The following CSTF2T variants were observed in gnomAD, a reference collection of about 807,000 sequenced individuals.
CSTF2T encodes the protein cleavage stimulation factor subunit 2 tau variant, also known as CF-1 64 kDa subunit tau.
A neutral mutation model predicts 39.9 loss-of-function variants in CSTF2T; 18 were observed. The observed-to-expected ratio is 0.45, with a 90% CI of 0.31 to 0.67. The LOEUF is 0.67. CSTF2T is among the 30% of genes least tolerant of loss of function. The pLI is 0.06. For synonymous variants in CSTF2T, 291 were observed against 276.4 expected (o/e 1.05, Z -0.52); for missense variants, 681 against 789.0 (o/e 0.86, Z 1.64).
rs779089852 is a variant in CSTF2T at position 51,698,510 on chromosome 10, C to G, written c.1040G>C (p.Gly347Ala). Reference protein sequence around the residue: ...PRGGTLLSVTGEVEPRGYLGP... With the variant: ...PRGGTLLSVTAEVEPRGYLGP... ...CAGATAACCTCTGGGCTCCACTTCT[C>G]CAGTGACTGAAAGCAAAGTCCCTCC... is the stretch of plus-strand genomic sequence containing the variant. The change falls in exon 1 of 1, where the codon GGA (glycine) becomes GCA (alanine). Residue 347 changes from glycine to alanine, a missense_variant. Gly to Ala is a moderately conservative substitution (Grantham distance 60). Around this residue, in one of 4 missense-constraint regions of CSTF2T, gnomAD observed 329 missense variants for 344.1 expected, o/e 0.96. Coordinates refer to ENST00000331173, the MANE Select transcript of CSTF2T (RefSeq NM_015235.3). 6.2e-7 allele frequency: 1 copy of G among 1,614,162 alleles called. No individual in the cohort carries two copies.
Position 51,698,682 on chromosome 10 carries a change from G to C in CSTF2T, c.868C>G (p.Leu290Val), listed in dbSNP as rs750664294. Residue 290 changes from leucine (L) to valine (V), a missense_variant, in exon 1 of 1, where the codon CTT becomes GTT. Physicochemically the swap from Leu to Val is conservative, Grantham distance 32. Coordinates refer to ENST00000331173, the MANE Select transcript of CSTF2T (RefSeq NM_015235.3). ...ACTGGGCCAACCCCTGGCATTCCAAGTTGGGGCTGCATTGCTCCTCCAGGA... is the reference window on the plus strand; with the variant it reads ...ACTGGGCCAACCCCTGGCATTCCAACTTGGGGCTGCATTGCTCCTCCAGGA... ...LTPGGAMQPQ[L>V]GMPGVGPVPL... 6.2e-7 allele frequency: 1 copy of C among 1,614,092 alleles called. No individual in the cohort carries two copies. Among genetic ancestry groups the C allele is most frequent in the African/African-American group, 1.3e-5 (1 of 74,934 alleles).
Position 51,697,641 on chromosome 10 carries a change from C to T in CSTF2T, c.*58G>A. Reference sequence around the variant, plus strand: ...GATACAGAAGTCAGCTTTTTGCACCCATTCTCCATGCTACAGAATAAAATT... The same window carrying T: ...GATACAGAAGTCAGCTTTTTGCACCTATTCTCCATGCTACAGAATAAAATT... On this transcript the variant is annotated 3_prime_UTR_variant, in exon 1 of 1. Transcript: ENST00000331173. The T allele has an allele frequency of 6.5e-7, 1 of 1,546,326 alleles. No homozygotes were observed. The highest frequency in any genetic ancestry group is 8.8e-7 in the Non-Finnish European group (1 of 1,132,222).
In CSTF2T at chr10:51,699,140, G is replaced by C. The variant is rs1352993859; in HGVS notation, c.410C>G (p.Pro137Arg). ...SITRAVASLP[P>R]EQMFELMKQM... Reference sequence around the variant, plus strand: ...CTTCATCAGCTCAAACATCTGCTCCGGGGGGAGACTGGCTACTGCTCTGGT... The same window carrying C: ...CTTCATCAGCTCAAACATCTGCTCCCGGGGGAGACTGGCTACTGCTCTGGT... The change falls in exon 1 of 1, where the codon CCG (proline) becomes CGG (arginine). Residue 137 changes from proline (P) to arginine (R), a missense_variant. Around this residue, in one of 4 missense-constraint regions of CSTF2T, gnomAD observed 329 missense variants for 344.1 expected, o/e 0.96. Transcript: ENST00000331173. 6.2e-7 allele frequency: 1 copy of C among 1,614,132 alleles called. No homozygotes were observed.
rs201313752 is a variant in CSTF2T, at chr10:51,699,145, G to C, written c.405C>G (p.Leu135=). The C allele has an allele frequency of 4.4e-5, 71 of 1,614,172 alleles. 1 individual carries two copies. The Admixed American group carries it at 9.2e-4, about 21-fold the overall frequency. The part of the protein sequence containing the change: ...PESITRAVAS[L]PPEQMFELMK... ...TCAGCTCAAACATCTGCTCCGGGGG[G>C]AGACTGGCTACTGCTCTGGTAATCG... Residue 135 remains leucine, a synonymous_variant, in exon 1 of 1, where the codon CTC becomes CTG. Coordinates refer to ENST00000331173, the MANE Select transcript of CSTF2T (RefSeq NM_015235.3).
rs1841375792 is a variant in CSTF2T, at chr10:51,698,679, C to T, written c.871G>A (p.Gly291Arg). The change falls in exon 1 of 1, where the codon GGA becomes AGA. Residue 291 changes from glycine (G) to arginine (R), a missense_variant. This residue lies in a region of CSTF2T where 329 missense variants were observed against 344.1 expected (regional missense o/e 0.96). Coordinates refer to ENST00000331173, the MANE Select transcript of CSTF2T (RefSeq NM_015235.3). ...TPGGAMQPQL[G>R]MPGVGPVPLE... ...GGCACTGGGCCAACCCCTGGCATTC[C>T]AAGTTGGGGCTGCATTGCTCCTCCA... 1 of 1,614,080 alleles carries T rather than the reference C, an allele frequency of 6.2e-7. No individual in the cohort carries two copies. Among genetic ancestry groups the T allele is most frequent in the African/African-American group, 1.3e-5 (1 of 74,946 alleles).
Position 51,696,949 on chromosome 10 carries a change from G to C in CSTF2T, c.*750C>G, listed in dbSNP as rs1175963476. On this transcript the variant is annotated 3_prime_UTR_variant, in exon 1 of 1. Transcript: ENST00000331173. ...GGTATTGAGAGACTGGGTTTCATCA[G>C]AGCGGACTTAAGTAACCTGGTTGAT... The C allele has an allele frequency of 6.6e-6, 1 of 151,936 alleles. No homozygotes were observed. Among genetic ancestry groups the C allele is most frequent in the African/African-American group, 2.4e-5 (1 of 41,348 alleles). The allele number at this position is 151,936 out of a possible 1,614,324, so 9.4% of individuals were successfully genotyped here.
At position 51,695,744 on chromosome 10, in the gene CSTF2T, G is replaced by A. The variant is rs759311534; in HGVS notation, c.*1955C>T. ...TAGCAGTATGAACAAGAGTAAAACA[G>A]GTAGTAGAAAACAACAGCATAGGGA... is the stretch of plus-strand genomic sequence containing the variant. On this transcript the variant is annotated 3_prime_UTR_variant, in exon 1 of 1. Transcript: ENST00000331173. 51 of 152,112 alleles carry A rather than the reference G, an allele frequency of 3.4e-4. No homozygotes were observed. Among genetic ancestry groups the A allele is most frequent in the Non-Finnish European group, 5.7e-4 (39 of 68,014 alleles). 9.4% of individuals were successfully genotyped at this position (152,112 alleles called of 1,614,324 possible). A position where few individuals can be genotyped will look rare whatever the true frequency, so the allele number is the denominator to read the frequency against.
rs1287898975 is a variant in CSTF2T, at chr10:51,696,455, C to T, written c.*1244G>A. ...GAAGGATGTAAGAGAATTACTGACTCAGATTTAGGGTTTAAAGACTATTGA... is the reference window on the plus strand; with the variant it reads ...GAAGGATGTAAGAGAATTACTGACTTAGATTTAGGGTTTAAAGACTATTGA... On this transcript the variant is annotated 3_prime_UTR_variant, in exon 1 of 1. Coordinates refer to ENST00000331173, the MANE Select transcript of CSTF2T (RefSeq NM_015235.3). 3 of 151,566 alleles carry T rather than the reference C, an allele frequency of 2.0e-5. No homozygotes were observed. The highest frequency in any genetic ancestry group is 7.3e-5 in the African/African-American group (3 of 41,244). 9.4% of individuals were successfully genotyped at this position (151,566 alleles called of 1,614,324 possible). A position where few individuals can be genotyped will look rare whatever the true frequency, so the allele number is the denominator to read the frequency against.
In CSTF2T at chr10:51,698,532, C is replaced by T; in HGVS notation, c.1018G>A (p.Gly340Arg). ...LGDAPNDPRG[G>R]TLLSVTGEVE... is the part of the protein sequence containing the mutation. Reference sequence around the variant, plus strand: ...TCTCCAGTGACTGAAAGCAAAGTCCCTCCACGTGGGTCATTTGGAGCATCT... The same window carrying T: ...TCTCCAGTGACTGAAAGCAAAGTCCTTCCACGTGGGTCATTTGGAGCATCT... The change falls in exon 1 of 1, where the codon GGG (glycine) becomes AGG (arginine). Residue 340 changes from glycine (G) to arginine (R), a missense_variant. Around this residue, in one of 4 missense-constraint regions of CSTF2T, gnomAD observed 329 missense variants for 344.1 expected, o/e 0.96. Coordinates refer to ENST00000331173, the MANE Select transcript of CSTF2T (RefSeq NM_015235.3). The T allele has an allele frequency of 6.2e-7, 1 of 1,614,182 alleles. No homozygotes were observed. The highest frequency in any genetic ancestry group is 1.1e-5 in the South Asian group (1 of 91,090).
rs749744522 is a variant in CSTF2T at position 51,698,975 on chromosome 10, T to C, written c.575A>G (p.His192Arg). Reference sequence around the variant, plus strand: ...CAGTGGTGTGACATGTATCTTCCGATGCAGAATTTTCAGAGCAATCTCTGG... The same window carrying C: ...CAGTGGTGTGACATGTATCTTCCGACGCAGAATTTTCAGAGCAATCTCTGG... ...MDPEIALKILHRKIHVTPLIP... is the reference protein window; with the variant it reads ...MDPEIALKILRRKIHVTPLIP... Residue 192 changes from histidine to arginine, a missense_variant, in exon 1 of 1, where the codon CAT becomes CGT. Transcript: ENST00000331173. The C allele has an allele frequency of 3.1e-6, 5 of 1,614,268 alleles. No individual in the cohort carries two copies. The highest frequency in any genetic ancestry group is 1.1e-5 in the South Asian group (1 of 91,092).
At position 51,695,793 on chromosome 10, in the gene CSTF2T, T is replaced by TAA. The variant is rs2132401396; in HGVS notation, c.*1905_*1906insTT. The TAA allele has an allele frequency of 6.6e-6, 1 of 152,278 alleles. No homozygotes were observed. The highest frequency in any genetic ancestry group is 6.5e-5 in the Admixed American group (1 of 15,290). 9.4% of individuals were successfully genotyped at this position (152,278 alleles called of 1,614,324 possible). On this transcript the variant is annotated 3_prime_UTR_variant, in exon 1 of 1. Coordinates refer to ENST00000331173, the MANE Select transcript of CSTF2T (RefSeq NM_015235.3). ...GATGAAAACCTTGCAAACAAAGAATTACTAATTTAAAGTGTAAAAATTTTG... is the reference window on the plus strand; with the variant it reads ...GATGAAAACCTTGCAAACAAAGAATTAAACTAATTTAAAGTGTAAAAATTTTG...
In CSTF2T at chr10:51,699,174, C is replaced by G. The variant is rs1841395183; in HGVS notation, c.376G>C (p.Glu126Gln). The change falls in exon 1 of 1, where the codon GAA becomes CAA. Residue 126 changes from glutamate (E) to glutamine (Q), a missense_variant. Around this residue, in one of 4 missense-constraint regions of CSTF2T, gnomAD observed 329 missense variants for 344.1 expected, o/e 0.96. Coordinates refer to ENST00000331173, the MANE Select transcript of CSTF2T (RefSeq NM_015235.3). ...CTGGCTACTGCTCTGGTAATCGATT[C>G]AGGGGCATCTTCTGGATCGATGGGA... ...GDPIDPEDAP[E>Q]SITRAVASLP... 2.5e-6 allele frequency: 4 copies of G among 1,614,168 alleles called. No individual in the cohort carries two copies. The East Asian group carries it at 8.9e-5, about 36-fold the overall frequency.
chr10:51,698,857 C>T lies in CSTF2T; in HGVS notation c.693G>A (p.Gln231=), dbSNP rs781498470. The change falls in exon 1 of 1, where the codon CAG becomes CAA. Residue 231 remains glutamine (Q), a synonymous_variant. Transcript: ENST00000331173. ...GAGGCTGAGGAGCTGGAGGATTCTG[C>T]TGGTTCAGCAGAACATTAGGTCCTG... ...LCPGPNVLLN[Q]QNPPAPQPQH... is the part of the protein sequence containing the mutation. 3 of 1,614,124 alleles carry T rather than the reference C, an allele frequency of 1.9e-6. No homozygotes were observed. Among genetic ancestry groups the T allele is most frequent in the Non-Finnish European group, 8.5e-7 (1 of 1,180,030 alleles).
Position 51,699,557 on chromosome 10 carries a change from G to T in CSTF2T, c.-8C>A, listed in dbSNP as rs747640006. On this transcript the variant is annotated 5_prime_UTR_variant, in exon 1 of 1. Coordinates refer to ENST00000331173, the MANE Select transcript of CSTF2T (RefSeq NM_015235.3). ...CACCGCCAAACTCGACATGATTCCG[G>T]TTGTGCAGACAGCCGATAGCGGATT... is the stretch of plus-strand genomic sequence containing the variant. 6.2e-7 allele frequency: 1 copy of T among 1,603,802 alleles called. No individual in the cohort carries two copies. The highest frequency in any genetic ancestry group is 8.5e-7 in the Non-Finnish European group (1 of 1,174,744).
In CSTF2T at chr10:51,698,247, T is replaced by C; in HGVS notation, c.1303A>G (p.Arg435Gly). 1.9e-6 allele frequency: 3 copies of C among 1,614,052 alleles called. No homozygotes were observed. Among genetic ancestry groups the C allele is most frequent in the Non-Finnish European group, 2.5e-6 (3 of 1,179,986 alleles). Residue 435 changes from arginine to glycine, a missense_variant, in exon 1 of 1, where the codon AGG becomes GGG. Arg to Gly is a moderately radical substitution (Grantham distance 125). Transcript: ENST00000331173. ...TEVLETRVME[R>G]RGMETCAMET... ...ATCGCACAGGTCTCCATTCCTCTCCTCTCCATTACACGTGTCTCTAAGACC... is the reference window on the plus strand; with the variant it reads ...ATCGCACAGGTCTCCATTCCTCTCCCCTCCATTACACGTGTCTCTAAGACC...
Position 51,698,064 on chromosome 10 carries a change from G to C in CSTF2T, c.1486C>G (p.Pro496Ala). ...GGPPQGPRQV[P>A]GISGVGNPGA... ...GGATTCCCCACCCCTGAAATGCCTG[G>C]GACCTGTCTGGGTCCCTGAGGAGGG... The change falls in exon 1 of 1, where the codon CCA (proline) becomes GCA (alanine). Residue 496 changes from proline to alanine, a missense_variant. By Grantham distance (27) the Pro-to-Ala change is conservative. Transcript: ENST00000331173. The C allele has an allele frequency of 6.2e-7, 1 of 1,613,986 alleles. No individual in the cohort carries two copies. Among genetic ancestry groups the C allele is most frequent in the Non-Finnish European group, 8.5e-7 (1 of 1,180,002 alleles).
chr10:51,698,875 A>C lies in CSTF2T; in HGVS notation c.675T>G (p.Pro225=). 1.2e-6 allele frequency: 2 copies of C among 1,614,026 alleles called. No individual in the cohort carries two copies. Among genetic ancestry groups the C allele is most frequent in the South Asian group, 2.2e-5 (2 of 91,080 alleles). ...GATTCTGCTGGTTCAGCAGAACATT[A>C]GGTCCTGGGCAGAGCCCAGGGCCAG... The part of the protein sequence containing the change: ...PGPGPGLCPG[P]NVLLNQQNPP... Residue 225 remains proline, a synonymous_variant, in exon 1 of 1, where the codon CCT becomes CCG. Transcript: ENST00000331173.
rs952599236 is a variant in CSTF2T at position 51,697,097 on chromosome 10, G to C, written c.*602C>G. ...ATCAGGTGCACTCCTTGATTTTTCA[G>C]GTAACATAACTTTAGAAAAAAACAA... On this transcript the variant is annotated 3_prime_UTR_variant, in exon 1 of 1. Coordinates refer to ENST00000331173, the MANE Select transcript of CSTF2T (RefSeq NM_015235.3). 2.2e-4 allele frequency: 34 copies of C among 152,124 alleles called. No homozygotes were observed. Among genetic ancestry groups the C allele is most frequent in the African/African-American group, 8.0e-4 (33 of 41,390 alleles). 9.4% of individuals were successfully genotyped at this position (152,124 alleles called of 1,614,324 possible).
At position 51,698,437 on chromosome 10, in the gene CSTF2T, G is replaced by T; in HGVS notation, c.1113C>A (p.Asp371Glu). The T allele has an allele frequency of 1.9e-6, 3 of 1,614,146 alleles. No individual in the cohort carries two copies. Among genetic ancestry groups the T allele is most frequent in the Non-Finnish European group, 2.5e-6 (3 of 1,180,036 alleles). ...TCTCATGTGAGGAAGGGCCACGAGT[G>T]TCATGACCAGAGGCATGATGCATGG... ...GPPMHHASGH[D>E]TRGPSSHEMR... is the part of the protein sequence containing the mutation. The change falls in exon 1 of 1, where the codon GAC becomes GAA. Residue 371 changes from aspartate (D) to glutamate (E), a missense_variant. Around this residue, in one of 4 missense-constraint regions of CSTF2T, gnomAD observed 329 missense variants for 344.1 expected, o/e 0.96. Coordinates refer to ENST00000331173, the MANE Select transcript of CSTF2T (RefSeq NM_015235.3).
Sources: allele counts gnomAD v4.1 joint callset, GRCh38; gene constraint gnomAD v4.1.1; regional missense constraint gnomAD v4.1.1; transcripts MANE v1.5; gene names NCBI Gene and HGNC (gene_info 2026-07-23, HGNC 2026-07-21).